LIFR: variants seen among roughly 807,000 people sequenced by gnomAD.
The protein encoded by LIFR is leukemia inhibitory factor receptor.
In LIFR, 84 loss-of-function variants were observed where a neutral mutation model predicts 122.2. That is an observed-to-expected ratio of 0.69 (90% CI 0.58 to 0.82). The LOEUF is 0.82. Ranked by LOEUF, LIFR falls within the 40% of genes least tolerant of loss-of-function variation. The pLI is 0.00. For synonymous variants in LIFR, 422 were observed against 434.7 expected, an observed-to-expected ratio of 0.97 and a Z score of 0.36; for missense variants, 1,294 against 1,311.6, an observed-to-expected ratio of 0.99 and a Z score of 0.21.
At chr5:38,498,665 T>C (rs1745015111) in intron 12 of LIFR, among the ~76,000 whole-genome samples, 1 of 152,196 alleles carries the variant, frequency 6.6e-6, no homozygotes, top group Admixed American at 6.5e-5. Flanking sequence ...TTCGTCTAGT[T>C]TGAACAATAT....
intron 5 of LIFR, among the ~76,000 whole-genome samples, chr5:38,514,627 T>C (rs923151035): frequency 5.3e-5 from 8 of 152,336 alleles, no homozygotes; most frequent in African/African-American, 1.9e-4. Context: ...CTATTATAGA[T>C]AGCAGAGAAT....
In LIFR at chr5:38,529,528, A is replaced by G. The variant is rs140446079; in HGVS notation, c.143-688T>C. On this transcript the variant is annotated intron_variant, in intron 2 of 19. Coordinates refer to ENST00000453190, the MANE Select transcript of LIFR (RefSeq NM_001127671.2). Reference sequence around the variant, plus strand: ...GAAAGTAACAATTCAGAAGATTACAATCCTACTAGTACTTACTCACATCTA... The same window carrying G: ...GAAAGTAACAATTCAGAAGATTACAGTCCTACTAGTACTTACTCACATCTA... Among the ~76,000 whole-genome samples the G allele has an allele frequency of 3.2e-3, 480 of 152,290 alleles. 8 individuals are homozygous for G. Among genetic ancestry groups the G allele is most frequent in the South Asian group, 0.03 (146 of 4,822 alleles).
Position 38,496,368 on chromosome 5 carries a change from T to A in LIFR, c.1885+14A>T, listed in dbSNP as rs779588630. ...TTTCCCGTTCTTATATACTAAATCA[T>A]CTCAAGCACTCACCATTTGGAATTT... is the stretch of plus-strand genomic sequence containing the variant. On this transcript the variant is annotated intron_variant, in intron 13 of 19. Coordinates refer to ENST00000453190, the MANE Select transcript of LIFR (RefSeq NM_001127671.2). 60 of 1,587,732 alleles carry A rather than the reference T, an allele frequency of 3.8e-5. No individual in the cohort carries two copies. Among genetic ancestry groups the A allele is most frequent in the Non-Finnish European group, 2.6e-6 (3 of 1,156,044 alleles).
At chr5:38,558,525 T>G (rs1414757739), upstream of LIFR, 1 of 152,150 alleles carries the variant, frequency 6.6e-6, no homozygotes, top group Non-Finnish European at 1.5e-5. Context: ...GGCCTGCAAT[T>G]TATGCAATTT....
chr5:38,476,534 T>TA lies in LIFR; in HGVS notation c.*5060dup, dbSNP rs1394833057. 2 of 205,636 alleles carry TA rather than the reference T, an allele frequency of 9.7e-6. No individual in the cohort carries two copies. Among genetic ancestry groups the TA allele is most frequent in the Non-Finnish European group, 2.0e-5 (2 of 100,766 alleles). 12.7% of individuals were successfully genotyped at this position (205,636 alleles called of 1,614,324 possible). A position where few individuals can be genotyped will look rare whatever the true frequency, so the allele number is the denominator to read the frequency against. On this transcript the variant is annotated 3_prime_UTR_variant, in exon 20 of 20. Transcript: ENST00000453190. Reference sequence around the variant, plus strand: ...TCTATGTTGTTAGCTTTTTTTTTTTTAAAGTTCTGATTGGCTACTGTAAAG... The same window carrying TA: ...TCTATGTTGTTAGCTTTTTTTTTTTTAAAAGTTCTGATTGGCTACTGTAAAG...
chr5:38,525,135 A>T (rs1440122286), intron 4 of LIFR, among the ~76,000 whole-genome samples: 1 of 152,202 alleles, frequency 6.6e-6, no homozygotes, highest in East Asian at 1.9e-4. Flanking sequence ...TATCCTTGAA[A>T]ATCATTAACT....
At chr5:38,531,679 A>G (rs1747017722) in intron 1 of LIFR, among the ~76,000 whole-genome samples, 1 of 152,200 alleles carries the variant, frequency 6.6e-6, no homozygotes, top group South Asian at 2.1e-4. Flanking sequence ...AAATACAAAA[A>G]AAAATTGAAA....
In LIFR at chr5:38,476,224, C is replaced by T. The variant is rs546275142; in HGVS notation, c.*5371G>A. ...TGTATGAAAACCATTATTCAGTGTTCTTTTCTATGAGCAATTGCAAAAACA... is the reference window on the plus strand; with the variant it reads ...TGTATGAAAACCATTATTCAGTGTTTTTTTCTATGAGCAATTGCAAAAACA... On this transcript the variant is annotated 3_prime_UTR_variant, in exon 20 of 20. Coordinates refer to ENST00000453190, the MANE Select transcript of LIFR (RefSeq NM_001127671.2). The T allele has an allele frequency of 5.3e-5, 11 of 207,286 alleles. No individual in the cohort carries two copies. In the South Asian group the frequency reaches 7.6e-4, roughly 14 times the overall value. 12.8% of individuals were successfully genotyped at this position (207,286 alleles called of 1,614,324 possible).
intron 1 of LIFR, among the ~76,000 whole-genome samples, chr5:38,565,802 C>CT (rs1215072818): frequency 2.0e-5 from 3 of 152,006 alleles, no homozygotes; most frequent in African/African-American, 7.3e-5. Flanking sequence ...AGGCTGGTCT[C>CT]GAACTCCAGA....
In LIFR at chr5:38,534,581, C is replaced by G. The variant is rs1166341876; in HGVS notation, c.-19-3915G>C. Among the ~76,000 whole-genome samples, 6 of 152,142 alleles carry G rather than the reference C, an allele frequency of 3.9e-5. No homozygotes were observed. In the East Asian group the frequency reaches 1.2e-3, roughly 29 times the overall value. On this transcript the variant is annotated intron_variant, in intron 1 of 19. Transcript: ENST00000453190. ...TCTAGTCCTCAAAGAGCCCACATAA[C>G]CCAGCACAAGGAATCTGAAAAGACT...
intron 1 of LIFR, chr5:38,550,298 GAA>G: frequency 1.2e-6 from 1 of 832,824 alleles, no homozygotes; most frequent in Non-Finnish European, 1.4e-6. Context: ...AAGCACAACT[GAA>G]AAAAAAACAG....
chr5:38,480,055 T>C lies in LIFR; in HGVS notation c.*1540A>G, dbSNP rs547319835. The C allele has an allele frequency of 3.7e-3, 842 of 224,672 alleles. 6 individuals carry two copies. The highest frequency in any genetic ancestry group is 4.2e-3 in the Non-Finnish European group (475 of 113,054). The allele number at this position is 224,672 out of a possible 1,614,324, so 13.9% of individuals were successfully genotyped here. ...GTTTTTAAAAAGATACAATATGAGC[T>C]TCAAAAAAAATTAATTGATCCATTA... is the stretch of plus-strand genomic sequence containing the variant. On this transcript the variant is annotated 3_prime_UTR_variant, in exon 20 of 20. Coordinates refer to ENST00000453190, the MANE Select transcript of LIFR (RefSeq NM_001127671.2).
At chr5:38,579,305 C>G (rs985755430) in intron 1 of LIFR, 1 of 151,960 alleles carries the variant, frequency 6.6e-6, no homozygotes, top group Non-Finnish European at 1.5e-5. Flanking sequence ...AAACAGGTCA[C>G]GTGGCCACAC....
rs1424585693 is a variant in LIFR at position 38,519,164 on chromosome 5, A to T, written c.561+4255T>A. On this transcript the variant is annotated intron_variant, in intron 5 of 19. Coordinates refer to ENST00000453190, the MANE Select transcript of LIFR (RefSeq NM_001127671.2). ...TTAATTTATTACCAAAGAAAGATAAAAAGTTTTATAAGTTTAGTGTGGTCT... is the reference window on the plus strand; with the variant it reads ...TTAATTTATTACCAAAGAAAGATAATAAGTTTTATAAGTTTAGTGTGGTCT... 2.6e-5 allele frequency among the ~76,000 whole-genome samples: 4 copies of T among 152,198 alleles called. No homozygotes were observed. The South Asian group carries it at 6.2e-4, about 24-fold the overall frequency.
intron 5 of LIFR, among the ~76,000 whole-genome samples, chr5:38,515,822 T>G (rs1010863712): frequency 6.6e-6 from 1 of 152,106 alleles, no homozygotes; most frequent in Admixed American, 6.5e-5. Context: ...TCCCAGTGTG[T>G]GCAGCACACA....
chr5:38,487,824 C>T (rs183452779), intron 16 of LIFR, among the ~76,000 whole-genome samples: 3 of 152,292 alleles, frequency 2.0e-5, no homozygotes, highest in Non-Finnish European at 2.9e-5. Flanking sequence ...TCCGTTCAGA[C>T]CAGATTGATC....
intron 1 of LIFR, 52 bp from the exon 2 acceptor site, chr5:38,530,718 C>G (rs1746960334): frequency 1.3e-5 from 19 of 1,439,864 alleles, no homozygotes; most frequent in Non-Finnish European, 1.9e-5. Context: ...TGAAGGCTCA[C>G]CTTATACTGT....
At position 38,481,762 on chromosome 5, in the gene LIFR, C is replaced by T; in HGVS notation, c.3127G>A (p.Asp1043Asn). 1 of 1,614,084 alleles carries T rather than the reference C, an allele frequency of 6.2e-7. No homozygotes were observed. ...NVNTWNLVSP[D>N]SPRSIDSNSE... ...TTGCTGTCTATGGATCTAGGAGAGT[C>T]TGGAGACACTAAATTCCATGTATTT... is the stretch of plus-strand genomic sequence containing the variant. Residue 1043 changes from aspartate to asparagine, a missense_variant, in exon 20 of 20, where the codon GAC (aspartate) becomes AAC (asparagine). Asp to Asn is a conservative substitution (Grantham distance 23). Coordinates refer to ENST00000453190, the MANE Select transcript of LIFR (RefSeq NM_001127671.2).
intron 1 of LIFR, among the ~76,000 whole-genome samples, chr5:38,550,820 G>A (rs1223002902): frequency 6.6e-6 from 1 of 152,056 alleles, no homozygotes; most frequent in African/African-American, 2.4e-5. Context: ...CAGGACTCCT[G>A]GATTCTTCGG....
Sources: allele counts gnomAD v4.1 joint callset (sites outside exome capture counted in the v4.1 genomes callset), GRCh38; gene constraint gnomAD v4.1.1; transcripts MANE v1.5; gene names NCBI Gene and HGNC (gene_info 2026-07-23, HGNC 2026-07-21).